The following AXIN2 variants were observed in gnomAD, a reference collection of about 807,000 sequenced individuals.
AXIN2 encodes the protein axin-2.
AXIN2 carries 21 observed loss-of-function variants against 74.7 expected under a neutral mutation model. The ratio of observed to expected loss-of-function variants is 0.28; its 90% CI spans 0.20 to 0.40. The LOEUF (loss-of-function observed/expected upper bound fraction) is 0.40. AXIN2 is among the 10% of genes least tolerant of loss of function. AXIN2 has a pLI of 1.00. For missense variants in AXIN2, 1,144 were observed against 1,111.1 expected (o/e 1.03, Z -0.42); for synonymous variants, 532 against 454.9 (o/e 1.17, Z -2.16).
chr17:65,538,144 T>A, intron 5 of AXIN2, 59 bp downstream of exon 5: 3 of 1,612,676 alleles, frequency 1.9e-6, no homozygotes, highest in Non-Finnish European at 2.5e-6. Context: ...CACATGCGCA[T>A]ACACATACGA....
intron 8 of AXIN2, 99 bp downstream of exon 8, chr17:65,536,221 G>C (rs2043911346): frequency 8.0e-7 from 1 of 1,249,992 alleles, no homozygotes; most frequent in Non-Finnish European, 1.1e-6. Flanking sequence ...GAGGGTTTGA[G>C]ACCCAGGCAG....
chr17:65,540,848 T>C (rs2044030519), intron 4 of AXIN2, among the ~76,000 whole-genome samples: 2 of 151,800 alleles, frequency 1.3e-5, no homozygotes, highest in Admixed American at 6.6e-5. Context: ...GGTTCTTGAA[T>C]AGCCTGCAGA....
chr17:65,548,235 C>T (rs1488749659), intron 3 of AXIN2, among the ~76,000 whole-genome samples: 1 of 152,176 alleles, frequency 6.6e-6, no homozygotes, highest in African/African-American at 2.4e-5. Flanking sequence ...GGATATCTCT[C>T]CCTGTACTAA....
chr17:65,551,567 G>A (rs1334579647), intron 2 of AXIN2, among the ~76,000 whole-genome samples: 1 of 152,184 alleles, frequency 6.6e-6, no homozygotes, highest in African/African-American at 2.4e-5. Context: ...GTACAGGCAG[G>A]GAGCCCTGGG....
intron 8 of AXIN2, 144 bp from the exon 9 acceptor site, chr17:65,535,865 G>C (rs535444609): frequency 3.9e-6 from 3 of 767,872 alleles, no homozygotes; most frequent in South Asian, 3.0e-5. Context: ...CAAGACCCTG[G>C]GTTAACAGTG....
intron 4 of AXIN2, 38 bp from the exon 5 acceptor site, chr17:65,538,381 A>G (rs1245208282): frequency 6.2e-7 from 1 of 1,612,712 alleles, no homozygotes; most frequent in Non-Finnish European, 8.5e-7. Flanking sequence ...AGGCACGTTC[A>G]GCAGGCTAGG....
chr17:65,551,278 G>A (rs553241506), intron 2 of AXIN2, among the ~76,000 whole-genome samples: 1 of 138,190 alleles, frequency 7.2e-6, no homozygotes, highest in East Asian at 2.2e-4. Flanking sequence ...GGAATTTGAG[G>A]AGATGACAAC....
In AXIN2 at chr17:65,536,779, C is replaced by T. The variant is rs536144687; in HGVS notation, c.1907+90G>A. The T allele has an allele frequency of 5.1e-6, 8 of 1,557,502 alleles. No homozygotes were observed. In the African/African-American group the frequency reaches 8.1e-5, roughly 16 times the overall value. On this transcript the variant is annotated intron_variant, in intron 7 of 10. Coordinates refer to ENST00000307078, the MANE Select transcript of AXIN2 (RefSeq NM_004655.4). ...AGGAGCAAATAGTCACATTTGTATT[C>T]CGCGGACTGCAAAAACAGCCATTCC...
At chr17:65,555,863 G>A (rs556493438) in intron 2 of AXIN2, among the ~76,000 whole-genome samples, 2 of 152,068 alleles carry the variant, frequency 1.3e-5, no homozygotes, top group South Asian at 2.1e-4. Flanking sequence ...AATATGCCCA[G>A]TTAAGACATA....
intron 10 of AXIN2, among the ~76,000 whole-genome samples, chr17:65,531,978 G>C (rs57315434): frequency 0.097 from 14,704 of 151,738 alleles, 819 homozygotes; most frequent in East Asian, 0.26. Context: ...AGATGTTGAA[G>C]CACCAGCCCT....
rs1060502139 is a variant in AXIN2, at chr17:65,537,405, G to A, written c.1631C>T (p.Pro544Leu). Residue 544 changes from proline to leucine, a missense_variant, in exon 6 of 11, where the codon CCT becomes CTT. Around this residue, in one of 4 missense-constraint regions of AXIN2, gnomAD observed 1,053 missense variants for 973.5 expected, o/e 1.08. Coordinates refer to ENST00000307078, the MANE Select transcript of AXIN2 (RefSeq NM_004655.4). Reference protein sequence around the residue: ...EATQRVHCFCPGGSEYYCYSK... With the variant: ...EATQRVHCFCLGGSEYYCYSK... The stretch of plus-strand genomic sequence containing the variant: ...GTAGCAGTAATACTCGCTGCCCCCA[G>A]GGCAGAAGCAGTGCACCCGCTGCGT... The A allele has an allele frequency of 2.7e-5, 43 of 1,613,912 alleles. No homozygotes were observed. The highest frequency in any genetic ancestry group is 3.4e-5 in the Non-Finnish European group (40 of 1,180,028).
At chr17:65,553,231 T>C (rs946644122) in intron 2 of AXIN2, among the ~76,000 whole-genome samples, 10 of 152,128 alleles carry the variant, frequency 6.6e-5, no homozygotes, top group African/African-American at 2.4e-4. Context: ...AAGTAGTGAG[T>C]GGCACGTGGC....
intron 3 of AXIN2, among the ~76,000 whole-genome samples, chr17:65,543,184 G>GT (rs1426382535): frequency 6.6e-6 from 1 of 152,206 alleles, no homozygotes; most frequent in Non-Finnish European, 1.5e-5. Context: ...ACCCCCAAGT[G>GT]TGAGTACTGC....
At chr17:65,534,137 GCAAACACACA>G (rs1355676353) in intron 9 of AXIN2, 58 bp from the exon 10 acceptor site, 29 of 1,593,950 alleles carry the variant, frequency 1.8e-5, no homozygotes, top group South Asian at 8.8e-5. Context: ...CACATCTAAA[GCAAACACACA>G]CGTGCGCACA....
In AXIN2 at chr17:65,537,371, G is replaced by C. The variant is rs562421443; in HGVS notation, c.1665C>G (p.Cys555Trp). 24 of 1,613,834 alleles carry C rather than the reference G, an allele frequency of 1.5e-5. No homozygotes were observed. The highest frequency in any genetic ancestry group is 1.1e-4 in the African/African-American group (8 of 75,022). Residue 555 changes from cysteine (C) to tryptophan (W), a missense_variant, in exon 6 of 11, where the codon TGC (cysteine) becomes TGG (tryptophan). Physicochemically the swap from Cys to Trp is radical, Grantham distance 215 (BLOSUM62 -2). Around this residue, in one of 4 missense-constraint regions of AXIN2, gnomAD observed 1,053 missense variants for 973.5 expected, o/e 1.08. Transcript: ENST00000307078. ...GGSEYYCYSK[C>W]KSHSKAPETM... Reference sequence around the variant, plus strand: ...TTTCCGGAGCCTTGGAGTGGCTTTTGCATTTCGAGTAGCAGTAATACTCGC... The same window carrying C: ...TTTCCGGAGCCTTGGAGTGGCTTTTCCATTTCGAGTAGCAGTAATACTCGC...
In AXIN2 at chr17:65,538,749, T is replaced by C. The variant is rs189133163; in HGVS notation, c.1060-406A>G. Among the ~76,000 whole-genome samples the C allele has an allele frequency of 5.3e-3, 521 of 99,090 alleles. 4 individuals carry two copies. Among genetic ancestry groups the C allele is most frequent in the African/African-American group, 0.019 (477 of 24,984 alleles). The allele number at this position is 99,090 out of a possible 152,430, so 65.0% of individuals were successfully genotyped here. A position where few individuals can be genotyped will look rare whatever the true frequency, so the allele number is the denominator to read the frequency against. On this transcript the variant is annotated intron_variant, in intron 4 of 10. Coordinates refer to ENST00000307078, the MANE Select transcript of AXIN2 (RefSeq NM_004655.4). ...GGAGGGGAGAGACCAACTCAAGGAA[T>C]AGAAAGTAGAATCTAAACAGAAAGA...
chr17:65,535,834 C>T, intron 8 of AXIN2, 113 bp from the exon 9 acceptor site: 1 of 978,678 alleles, frequency 1.0e-6, no homozygotes, highest in South Asian at 1.4e-5. Context: ...AACCCGACTT[C>T]CATCCTTACG....
At position 65,538,185 on chromosome 17, in the gene AXIN2, A is replaced by C. The variant is rs117258157; in HGVS notation, c.1200+18T>G. ...CACGCCGTGGACGGAAGCAGGAAGA[A>C]GGCCTAGGCCGCATTACCTCTCGGA... is the stretch of plus-strand genomic sequence containing the variant. On this transcript the variant is annotated intron_variant, in intron 5 of 10. Coordinates refer to ENST00000307078, the MANE Select transcript of AXIN2 (RefSeq NM_004655.4). The C allele has an allele frequency of 1.3e-3, 2,135 of 1,614,108 alleles. 32 individuals carry two copies. The East Asian group carries it at 0.036, about 28-fold the overall frequency.
chr17:65,529,771 T>C lies in AXIN2; in HGVS notation c.*205A>G. ...TTTTAATAAATAGTTCAGGCTTTTCTTATCTCAGTCAGTACCCAGCTCATG... is the reference window on the plus strand; with the variant it reads ...TTTTAATAAATAGTTCAGGCTTTTCCTATCTCAGTCAGTACCCAGCTCATG... On this transcript the variant is annotated 3_prime_UTR_variant, in exon 11 of 11. Coordinates refer to ENST00000307078, the MANE Select transcript of AXIN2 (RefSeq NM_004655.4). 1 of 722,608 alleles carries C rather than the reference T, an allele frequency of 1.4e-6. No individual in the cohort carries two copies. The highest frequency in any genetic ancestry group is 2.8e-5 in the East Asian group (1 of 35,520). The allele number at this position is 722,608 out of a possible 1,614,324, so 44.8% of individuals were successfully genotyped here. A position where few individuals can be genotyped will look rare whatever the true frequency, so the allele number is the denominator to read the frequency against.
Sources: allele counts gnomAD v4.1 joint callset (sites outside exome capture counted in the v4.1 genomes callset), GRCh38; gene constraint gnomAD v4.1.1; regional missense constraint gnomAD v4.1.1; transcripts MANE v1.5; gene names NCBI Gene and HGNC (gene_info 2026-07-23, HGNC 2026-07-21).